The following WWC1 variants were observed in gnomAD, a reference collection of about 807,000 sequenced individuals.
WWC1 encodes the protein protein KIBRA.
Under a neutral mutation model 138.4 loss-of-function variants are expected in WWC1, and 55 were observed. That is an observed-to-expected ratio of 0.40 (90% CI 0.32 to 0.50). The LOEUF is 0.50. Ranked by LOEUF, WWC1 falls within the 20% of genes least tolerant of loss-of-function variation. The pLI is 0.72. For synonymous variants in WWC1, 524 were observed against 564.9 expected, an observed-to-expected ratio of 0.93 and a Z score of 1.03; for missense variants, 1,226 against 1,420.4, an observed-to-expected ratio of 0.86 and a Z score of 2.20.
chr5:168,346,307 C>T (rs940152883), intron 1 of WWC1, among the ~76,000 whole-genome samples: 4 of 152,134 alleles, frequency 2.6e-5, no homozygotes, highest in Admixed American at 6.5e-5. Context: ...GCCCAGAGTG[C>T]GAGCCCAGTG....
In WWC1 at chr5:168,311,603, G is replaced by T. The variant is rs188353916; in HGVS notation, c.119+19332G>T. Among the ~76,000 whole-genome samples the T allele has an allele frequency of 5.1e-3, 676 of 131,630 alleles. 3 individuals are homozygous for T. Among genetic ancestry groups the T allele is most frequent in the Non-Finnish European group, 8.7e-3 (509 of 58,222 alleles). 86.4% of individuals were successfully genotyped at this position (131,630 alleles called of 152,430 possible). Reference sequence around the variant, plus strand: ...GGGTAATAATAGACCAGGCACAGTGGCTCACGTCTGTAATCCCAGCACTTT... The same window carrying T: ...GGGTAATAATAGACCAGGCACAGTGTCTCACGTCTGTAATCCCAGCACTTT... On this transcript the variant is annotated intron_variant, in intron 1 of 22. Coordinates refer to ENST00000265293, the MANE Select transcript of WWC1 (RefSeq NM_015238.3).
intron 2 of WWC1, among the ~76,000 whole-genome samples, chr5:168,373,068 C>T (rs766699771): frequency 6.6e-6 from 1 of 152,102 alleles, no homozygotes; most frequent in African/African-American, 2.4e-5. Flanking sequence ...CTCATGATTG[C>T]GTACTGGATA....
Position 168,460,824 on chromosome 5 carries a change from TA to T in WWC1, c.2916+84del, listed in dbSNP as rs1756741891. ...CCCTGTGTCCTGCACACACATCTCC[TA>T]ATGTCTGGCCATTTCTCCTCAGCCA... On this transcript the variant is annotated intron_variant, in intron 20 of 22. Transcript: ENST00000265293. The T allele has an allele frequency of 3.6e-6, 5 of 1,392,692 alleles. No individual in the cohort carries two copies. The East Asian group carries it at 1.2e-4, about 33-fold the overall frequency. The allele number at this position is 1,392,692 out of a possible 1,614,324, so 86.3% of individuals were successfully genotyped here.
chr5:168,454,010 AGAGGAGGAGGAGGTG>A lies in WWC1; in HGVS notation c.2582_2596del (p.Val861_Glu865del). The A allele has an allele frequency of 1.3e-6, 2 of 1,594,908 alleles. No homozygotes were observed. Among genetic ancestry groups the A allele is most frequent in the Non-Finnish European group, 8.5e-7 (1 of 1,176,984 alleles). On this transcript the variant is annotated inframe_deletion, in exon 18 of 23. Transcript: ENST00000265293. Reference sequence around the variant, plus strand: ...GTGAGAATGAGGCAGTAGCCGAGGAAGAGGAGGAGGAGGTGGAGGAGGAGGAGGGAGAAGAGGATG... The same window carrying A: ...GTGAGAATGAGGCAGTAGCCGAGGAAGAGGAGGAGGAGGGAGAAGAGGATG...
In WWC1 at chr5:168,292,066, G is replaced by T. The variant is rs1371053531; in HGVS notation, c.-87G>T. On this transcript the variant is annotated 5_prime_UTR_variant, in exon 1 of 23. Transcript: ENST00000265293. The surrounding 1 kb of genome is among the most constrained non-coding windows in gnomAD (Gnocchi z 4.4). ...CCCGGATCATGGTGCCTCGGCGGCC[G>T]CCCGGGCTAAGAGCGGCCGGCTGGA... 3 of 1,374,468 alleles carry T rather than the reference G, an allele frequency of 2.2e-6. No homozygotes were observed. The highest frequency in any genetic ancestry group is 7.9e-5 in the Admixed American group (2 of 25,198). The allele number at this position is 1,374,468 out of a possible 1,614,324, so 85.1% of individuals were successfully genotyped here.
At position 168,440,745 on chromosome 5, in the gene WWC1, G is replaced by C. The variant is rs111630559; in HGVS notation, c.2281-937G>C. 9.4e-3 allele frequency among the ~76,000 whole-genome samples: 1,429 copies of C among 152,214 alleles called. 23 individuals carry two copies. The highest frequency in any genetic ancestry group is 0.032 in the African/African-American group (1,346 of 41,510). ...TTGGTCAGGCTGGTCTCGATCTCCC[G>C]ACCTCAGATGATCCACCCACCTCAG... On this transcript the variant is annotated intron_variant, in intron 15 of 22. Transcript: ENST00000265293.
At chr5:168,325,403 A>C (rs1289724890) in intron 1 of WWC1, among the ~76,000 whole-genome samples, 1 of 152,184 alleles carries the variant, frequency 6.6e-6, no homozygotes, top group Non-Finnish European at 1.5e-5. Flanking sequence ...GTGTCCTAGG[A>C]CACAGGAGAA....
intron 3 of WWC1, among the ~76,000 whole-genome samples, chr5:168,392,570 G>A (rs1778585526): frequency 6.6e-6 from 1 of 152,172 alleles, no homozygotes; most frequent in Non-Finnish European, 1.5e-5. Flanking sequence ...GCAAGCACCT[G>A]TAGTCCCAGC....
At chr5:168,350,811 C>A (rs1319095796) in intron 1 of WWC1, among the ~76,000 whole-genome samples, 1 of 152,224 alleles carries the variant, frequency 6.6e-6, no homozygotes, top group African/African-American at 2.4e-5. Flanking sequence ...GGTGCACCCT[C>A]TTCCCAATTT....
intron 1 of WWC1, among the ~76,000 whole-genome samples, chr5:168,300,548 C>T (rs774444767): frequency 8.5e-5 from 12 of 141,246 alleles, no homozygotes; most frequent in East Asian, 8.2e-4. Flanking sequence ...AGAAAAGGGA[C>T]GGAGGCTTAA....
Position 168,292,111 on chromosome 5 carries a change from G to T in WWC1, c.-42G>T. The stretch of plus-strand genomic sequence containing the variant: ...GCTGGAGCCGCTGAGCCCCCGCTGC[G>T]GCCGGGAGCTGCATGGGGGAGCGCC... On this transcript the variant is annotated 5_prime_UTR_variant, in exon 1 of 23. Transcript: ENST00000265293. The surrounding 1 kb of genome is among the most constrained non-coding windows in gnomAD (Gnocchi z 4.4). 6.7e-7 allele frequency: 1 copy of T among 1,491,798 alleles called. No homozygotes were observed. The highest frequency in any genetic ancestry group is 8.9e-7 in the Non-Finnish European group (1 of 1,121,754). 92.4% of individuals were successfully genotyped at this position (1,491,798 alleles called of 1,614,324 possible). A position where few individuals can be genotyped will look rare whatever the true frequency, so the allele number is the denominator to read the frequency against.
At chr5:168,341,831 C>T (rs1774061477) in intron 1 of WWC1, among the ~76,000 whole-genome samples, 1 of 152,218 alleles carries the variant, frequency 6.6e-6, no homozygotes, top group South Asian at 2.1e-4. Flanking sequence ...GATTCACCCA[C>T]AGATAACGGA....
At chr5:168,340,468 C>A (rs1363113520) in intron 1 of WWC1, among the ~76,000 whole-genome samples, 2 of 152,154 alleles carry the variant, frequency 1.3e-5, no homozygotes, top group Non-Finnish European at 2.9e-5. Flanking sequence ...AACTCTGCAC[C>A]ACTTAGCAGT....
intron 6 of WWC1, among the ~76,000 whole-genome samples, chr5:168,407,849 G>A (rs907994637): frequency 6.6e-6 from 1 of 151,602 alleles, no homozygotes; most frequent in African/African-American, 2.4e-5. Context: ...TGTGAGATAG[G>A]ACCTGCGATT....
chr5:168,401,205 G>A (rs9313410), intron 5 of WWC1, among the ~76,000 whole-genome samples: 2 of 152,084 alleles, frequency 1.3e-5, no homozygotes, highest in South Asian at 4.1e-4. Context: ...GCATGTAACA[G>A]ACTCATTCAT....
chr5:168,326,903 A>G (rs1772611215), intron 1 of WWC1, among the ~76,000 whole-genome samples: 2 of 152,152 alleles, frequency 1.3e-5, no homozygotes, highest in African/African-American at 4.8e-5. Context: ...GGGAAAGTTT[A>G]TTCTGCAAAT....
chr5:168,464,387 G>C (rs1757068544), intron 20 of WWC1, among the ~76,000 whole-genome samples: 1 of 152,200 alleles, frequency 6.6e-6, no homozygotes, highest in African/African-American at 2.4e-5. Flanking sequence ...ACTGCAGCCA[G>C]CTTCCTGGAG....
chr5:168,365,693 T>G (rs1489420611), intron 1 of WWC1, among the ~76,000 whole-genome samples: 1 of 152,172 alleles, frequency 6.6e-6, no homozygotes, highest in Non-Finnish European at 1.5e-5. Flanking sequence ...TGTGCCTGTG[T>G]GCTGTTTGTA....
At chr5:168,321,363 G>T (rs1772062722) in intron 1 of WWC1, among the ~76,000 whole-genome samples, 1 of 152,088 alleles carries the variant, frequency 6.6e-6, no homozygotes, top group South Asian at 2.1e-4. Flanking sequence ...CCTTAGCGAG[G>T]CAGGAAGATC....
Sources: gnomAD v4.1 joint callset for allele counts (sites outside exome capture counted in the v4.1 genomes callset) on GRCh38, gnomAD v4.1.1 for gene constraint, Gnocchi (gnomAD v3.1) non-coding constraint, MANE v1.5 for transcripts, NCBI Gene and HGNC (gene_info 2026-07-23, HGNC 2026-07-21) for gene names.